SGCZ: variants seen among roughly 807,000 people sequenced by gnomAD.
SGCZ encodes sarcoglycan zeta, also known as zeta-sarcoglycan.
A neutral mutation model predicts 41.3 loss-of-function variants in SGCZ; 40 were observed. The observed-to-expected ratio is 0.97, with a 90% CI of 0.75 to 1.26. SGCZ has a LOEUF of 1.26. SGCZ is among the 50% of genes most tolerant of loss of function. The pLI, the probability that SGCZ is intolerant of heterozygous loss-of-function variation, is 0.00. For missense variants in SGCZ, 552 were observed against 369.8 expected, an observed-to-expected ratio of 1.49 and a Z score of -4.04; for synonymous variants, 206 against 137.5, an observed-to-expected ratio of 1.50 and a Z score of -3.49.
At chr8:14,602,047 G>A (rs1305613636) in intron 1 of SGCZ, among the ~76,000 whole-genome samples, 1 of 152,086 alleles carries the variant, frequency 6.6e-6, no homozygotes, top group African/African-American at 2.4e-5. Flanking sequence ...ATGAACCCGG[G>A]AGGCGGAGCT....
chr8:15,204,440 C>G (rs75863076), intron 1 of SGCZ, among the ~76,000 whole-genome samples: 8,389 of 152,146 alleles, frequency 0.055, 259 homozygotes, highest in South Asian at 0.074. Context: ...ATTTTTATCA[C>G]CCACCCACCA....
chr8:14,996,163 A>G (rs532419370), intron 1 of SGCZ, among the ~76,000 whole-genome samples: 3 of 152,262 alleles, frequency 2.0e-5, no homozygotes, highest in African/African-American at 7.2e-5. Flanking sequence ...TCAACCTCCC[A>G]AAGCACTGGG....
chr8:14,127,605 A>T (rs1824744), intron 5 of SGCZ, among the ~76,000 whole-genome samples: 79,927 of 151,644 alleles, frequency 0.53, 23,923 homozygotes, highest in East Asian at 0.87. Flanking sequence ...ACAGGCACCC[A>T]CTACCACACC....
rs368665195 is a variant in SGCZ, at chr8:14,237,595, T to C, written c.421A>G (p.Ile141Val). ...HMGQLTGQLT[I>V]GADAVEAQCK... ...ATCTTTACCCCAAAACACTCACCTA[T>C]GGTCAGCTGTCCGGTTAACTGCCCC... The change falls in exon 4 of 8, where the codon ATA becomes GTA. Residue 141 changes from isoleucine to valine, a missense_variant. Ile to Val is a conservative substitution (Grantham distance 29). Coordinates refer to ENST00000382080, the MANE Select transcript of SGCZ (RefSeq NM_139167.4). 6 of 1,613,634 alleles carry C rather than the reference T, an allele frequency of 3.7e-6. No homozygotes were observed. The highest frequency in any genetic ancestry group is 1.6e-4 in the Middle Eastern group (1 of 6,084).
intron 5 of SGCZ, among the ~76,000 whole-genome samples, chr8:14,123,981 T>C (rs13270757): frequency 0.35 from 52,527 of 151,906 alleles, 11,459 homozygotes; most frequent in Non-Finnish European, 0.5. Context: ...ACTTTGAAGA[T>C]AGAGGAAGGG....
At chr8:14,237,811 G>A (rs925571791) in intron 3 of SGCZ, 132 bp from the exon 4 acceptor site, 21 of 678,222 alleles carry the variant, frequency 3.1e-5, no homozygotes, top group Non-Finnish European at 4.0e-5. Flanking sequence ...TTAATTTAAC[G>A]TCCCAATCAT....
chr8:14,132,840 T>C (rs1803083114), intron 5 of SGCZ, among the ~76,000 whole-genome samples: 2 of 152,296 alleles, frequency 1.3e-5, no homozygotes, highest in South Asian at 4.1e-4. Context: ...CTGGTTTTTG[T>C]TGTTGTTGAC....
At chr8:14,159,242 C>G (rs2116971850) in intron 5 of SGCZ, among the ~76,000 whole-genome samples, 1 of 152,296 alleles carries the variant, frequency 6.6e-6, no homozygotes, top group East Asian at 1.9e-4. Context: ...GATATAACCA[C>G]TTTTTTGGTG....
At position 15,111,769 on chromosome 8, in the gene SGCZ, G is replaced by A. The variant is rs374869164; in HGVS notation, c.39+125816C>T. ...ACAAAAATTAGCTGGGTGTGGTGGC[G>A]CGTGTCTGTAATCCCAGCTACTTGG... On this transcript the variant is annotated intron_variant, in intron 1 of 7. Transcript: ENST00000382080. 4.7e-4 allele frequency among the ~76,000 whole-genome samples: 72 copies of A among 151,970 alleles called. 1 individual carries two copies. The East Asian group carries it at 5.0e-3, about 11-fold the overall frequency.
chr8:15,149,712 A>G (rs1485057715), intron 1 of SGCZ, among the ~76,000 whole-genome samples: 2 of 78,118 alleles, frequency 2.6e-5, no homozygotes, highest in Non-Finnish European at 4.6e-5. Flanking sequence ...TATAAACTAC[A>G]AAAAAAAAAA....
chr8:14,424,709 A>T (rs1052319175), intron 2 of SGCZ, among the ~76,000 whole-genome samples: 1 of 152,208 alleles, frequency 6.6e-6, no homozygotes, highest in Non-Finnish European at 1.5e-5. Flanking sequence ...TATCTGAATC[A>T]TGTCCAAATT....
intron 1 of SGCZ, among the ~76,000 whole-genome samples, chr8:15,172,160 T>TTATTTATTTATTTA (rs1799854821): frequency 9.5e-6 from 1 of 105,016 alleles, no homozygotes; most frequent in South Asian, 3.5e-4. Flanking sequence ...CTCTGTTTTT[T>TTATTTATTTATTTA]TTTTTTTTTT....
At chr8:14,717,889 T>G (rs1809743091) in intron 1 of SGCZ, among the ~76,000 whole-genome samples, 1 of 151,954 alleles carries the variant, frequency 6.6e-6, no homozygotes. Flanking sequence ...AAGGTTATTT[T>G]GTGGACATAA....
intron 3 of SGCZ, among the ~76,000 whole-genome samples, chr8:14,250,178 G>T (rs1390982527): frequency 1.3e-5 from 2 of 152,152 alleles, no homozygotes; most frequent in Non-Finnish European, 2.9e-5. Flanking sequence ...GACTAGAAAT[G>T]GACTTCCAAA....
Position 14,190,014 on chromosome 8 carries a change from C to CT in SGCZ, c.425-25313dup, listed in dbSNP as rs71304966. ...GAATCTACTTTTTCTTTCTTTCTTT[C>CT]TTTTTTTTTTTTTTTTGAGACGGAC... On this transcript the variant is annotated intron_variant, in intron 4 of 7. Transcript: ENST00000382080. 1.1e-3 allele frequency among the ~76,000 whole-genome samples: 108 copies of CT among 100,178 alleles called. 4 individuals are homozygous for CT. Among genetic ancestry groups the CT allele is most frequent in the Non-Finnish European group, 1.6e-3 (81 of 50,902 alleles). 65.7% of individuals were successfully genotyped at this position (100,178 alleles called of 152,430 possible).
intron 1 of SGCZ, among the ~76,000 whole-genome samples, chr8:15,051,685 T>G (rs2130994255): frequency 6.6e-6 from 1 of 152,312 alleles, no homozygotes; most frequent in Admixed American, 6.5e-5. Flanking sequence ...TTAAAAAAAT[T>G]TAGCTATCAC....
chr8:14,768,604 C>T (rs1157334709), intron 1 of SGCZ, among the ~76,000 whole-genome samples: 1 of 152,180 alleles, frequency 6.6e-6, no homozygotes, highest in Non-Finnish European at 1.5e-5. Context: ...CATGGGCCTG[C>T]ATCCCTTCCC....
intron 1 of SGCZ, among the ~76,000 whole-genome samples, chr8:14,843,303 G>A (rs1426450041): frequency 2.6e-5 from 4 of 151,810 alleles, no homozygotes; most frequent in Non-Finnish European, 5.9e-5. Context: ...TTAATATGGG[G>A]GTTTAAAACA....
chr8:14,246,678 C>G (rs1482333371), intron 3 of SGCZ, among the ~76,000 whole-genome samples: 1 of 151,362 alleles, frequency 6.6e-6, no homozygotes. Context: ...GACGCCGAGG[C>G]GGGCAGATCA....
Sources: gnomAD v4.1 joint callset for allele counts (sites outside exome capture counted in the v4.1 genomes callset) on GRCh38, gnomAD v4.1.1 for gene constraint, MANE v1.5 for transcripts, NCBI Gene and HGNC (gene_info 2026-07-23, HGNC 2026-07-21) for gene names.